The following MACROH2A1 variants were observed in gnomAD, a reference collection of about 807,000 sequenced individuals.
The protein encoded by MACROH2A1 is macroH2A.1 histone.
MACROH2A1 carries 2 observed loss-of-function variants against 31.6 expected under a neutral mutation model. That is an observed-to-expected ratio of 0.06 (90% CI 0.03 to 0.20). The LOEUF is 0.20. Among genes scored for constraint, MACROH2A1 ranks in the 10% least tolerant of loss-of-function variants. MACROH2A1 has a pLI of 1.00. For synonymous variants in MACROH2A1, 169 were observed against 189.6 expected (o/e 0.89, Z 0.89); for missense variants, 230 against 474.0 (o/e 0.49, Z 4.78).
At chr5:135,393,844 AT>A in intron 1 of MACROH2A1, among the ~76,000 whole-genome samples, 1 of 152,300 alleles carries the variant, frequency 6.6e-6, no homozygotes, top group South Asian at 2.1e-4. Context: ...CCAATTATAA[AT>A]CACAATAAAC....
At chr5:135,350,962 C>T (rs765863346) in intron 6 of MACROH2A1, 21 of 1,246,886 alleles carry the variant, frequency 1.7e-5, no homozygotes, top group Non-Finnish European at 1.9e-5. Context: ...CCGAGACCCA[C>T]GCACAGGCAC....
At chr5:135,353,086 G>A in intron 5 of MACROH2A1, 41 bp from the exon 6 acceptor site, 1 of 1,296,286 alleles carries the variant, frequency 7.7e-7, no homozygotes, top group Non-Finnish European at 1.1e-6. Context: ...CAGGAGAGCT[G>A]GGAAGTCTCA....
chr5:135,360,769 G>C (rs965492399), intron 4 of MACROH2A1, 162 bp from the exon 5 acceptor site: 3 of 702,238 alleles, frequency 4.3e-6, no homozygotes, highest in Non-Finnish European at 7.8e-6. Context: ...CTCATTTTGA[G>C]GTACAAGAGT....
chr5:135,385,152 G>T (rs1402255548), intron 2 of MACROH2A1, among the ~76,000 whole-genome samples: 1 of 152,234 alleles, frequency 6.6e-6, no homozygotes, highest in African/African-American at 2.4e-5. Context: ...CACCATGCCT[G>T]CAATTGTCAT....
At chr5:135,363,281 C>T (rs1364082156) in intron 4 of MACROH2A1, among the ~76,000 whole-genome samples, 2 of 152,142 alleles carry the variant, frequency 1.3e-5, no homozygotes, top group East Asian at 3.8e-4. Flanking sequence ...TAAAGCACTC[C>T]AGAGACAAGC....
chr5:135,340,510 T>C (rs1185297435), intron 8 of MACROH2A1, among the ~76,000 whole-genome samples: 1 of 151,670 alleles, frequency 6.6e-6, no homozygotes, highest in African/African-American at 2.4e-5. Context: ...GGAGTGGGGG[T>C]ATCCATAAAT....
intron 5 of MACROH2A1, chr5:135,358,516 G>T: frequency 1.0e-6 from 1 of 985,292 alleles, no homozygotes; most frequent in Non-Finnish European, 1.2e-6. Context: ...GGTGATATGG[G>T]AAAGAAGGCT....
chr5:135,383,288 A>G (rs1294097664), intron 2 of MACROH2A1, among the ~76,000 whole-genome samples: 1 of 152,248 alleles, frequency 6.6e-6, no homozygotes. Context: ...AAGAGTATGC[A>G]CTGTGATGTT....
At chr5:135,363,154 A>AAGGCAGGAGGATGCCT (rs1763055498) in intron 4 of MACROH2A1, among the ~76,000 whole-genome samples, 1 of 152,088 alleles carries the variant, frequency 6.6e-6, no homozygotes, top group African/African-American at 2.4e-5. Context: ...GGAGGATGCC[A>AAGGCAGGAGGATGCCT]GCCTGGGCAA....
intron 6 of MACROH2A1, among the ~76,000 whole-genome samples, chr5:135,348,763 C>A (rs1761162160): frequency 6.6e-6 from 1 of 152,226 alleles, no homozygotes; most frequent in Admixed American, 6.5e-5. Context: ...ACCTGGCAGT[C>A]TTTCTGCCTT....
At chr5:135,364,540 CTG>C (rs1763250467) in intron 4 of MACROH2A1, among the ~76,000 whole-genome samples, 2 of 152,180 alleles carry the variant, frequency 1.3e-5, no homozygotes, top group African/African-American at 2.4e-5. Context: ...TCCAGAAAGA[CTG>C]TTATAATTTT....
At chr5:135,378,128 C>G (rs1261661619) in intron 2 of MACROH2A1, among the ~76,000 whole-genome samples, 1 of 152,162 alleles carries the variant, frequency 6.6e-6, no homozygotes, top group Non-Finnish European at 1.5e-5. Flanking sequence ...AAAAGCTTCC[C>G]ACTCTCCAGC....
intron 8 of MACROH2A1, among the ~76,000 whole-genome samples, chr5:135,336,411 C>G (rs970481569): frequency 6.6e-6 from 1 of 152,212 alleles, no homozygotes; most frequent in Non-Finnish European, 1.5e-5. Context: ...GAGTGGAGTT[C>G]ACTCTTAGAG....
intron 5 of MACROH2A1, chr5:135,358,930 G>C (rs1762502511): frequency 2.0e-6 from 2 of 985,412 alleles, no homozygotes; most frequent in South Asian, 9.4e-5. Context: ...CTAGCAAGAT[G>C]TCTGTGGTGT....
In MACROH2A1 at chr5:135,367,819, G is replaced by A. The variant is rs1441746872; in HGVS notation, c.477+1587C>T. Among the ~76,000 whole-genome samples, 4 of 152,170 alleles carry A rather than the reference G, an allele frequency of 2.6e-5. No homozygotes were observed. The East Asian group carries it at 7.7e-4, about 29-fold the overall frequency. On this transcript the variant is annotated intron_variant, in intron 4 of 8. Transcript: ENST00000511689. Reference sequence around the variant, plus strand: ...AGATGATAGATTCAGTATCTTCGTTGCCTTTTTAACATTTAGAAAGGGTTG... The same window carrying A: ...AGATGATAGATTCAGTATCTTCGTTACCTTTTTAACATTTAGAAAGGGTTG...
Position 135,389,132 on chromosome 5 carries a change from A to C in MACROH2A1, c.-33-6T>G. On this transcript the variant is annotated splice_polypyrimidine_tract_variant and splice_region_variant and intron_variant, in intron 1 of 8. Transcript: ENST00000511689. The stretch of plus-strand genomic sequence containing the variant: ...GAGGCGGATCAGTGAGCACACTGTG[A>C]AGGCGAGAGGCACACCGGTCAGGGT... The C allele has an allele frequency of 6.3e-7, 1 of 1,593,362 alleles. No individual in the cohort carries two copies. Among genetic ancestry groups the C allele is most frequent in the Non-Finnish European group, 8.6e-7 (1 of 1,165,394 alleles).
intron 4 of MACROH2A1, among the ~76,000 whole-genome samples, chr5:135,363,544 T>G (rs933602968): frequency 6.6e-6 from 1 of 152,256 alleles, no homozygotes; most frequent in African/African-American, 2.4e-5. Context: ...TTCCATGGTG[T>G]ATATGTGCCA....
At position 135,369,476 on chromosome 5, in the gene MACROH2A1, G is replaced by A; in HGVS notation, c.407C>T (p.Ala136Val). ...AIITPPPAKK[A>V]KSPSQKKPVS... ...AGGCTTCTTCTGGGATGGAGACTTG[G>A]CCTTTTTGGCTGGGGGTGGTGTGAT... Residue 136 changes from alanine to valine, a missense_variant, in exon 4 of 9, where the codon GCC (alanine) becomes GTC (valine). Ala to Val is a moderately conservative substitution (Grantham distance 64, BLOSUM62 0). This residue lies in a region of MACROH2A1 where 183 missense variants were observed against 319.3 expected (regional missense o/e 0.57). Coordinates refer to ENST00000511689, the MANE Select transcript of MACROH2A1 (RefSeq NM_138610.3). This position sits in a 1 kb window ranked among gnomAD's most constrained non-coding sequence, Gnocchi z 4.3. 1 of 1,614,188 alleles carries A rather than the reference G, an allele frequency of 6.2e-7. No individual in the cohort carries two copies. Among genetic ancestry groups the A allele is most frequent in the Non-Finnish European group, 8.5e-7 (1 of 1,180,022 alleles).
intron 5 of MACROH2A1, chr5:135,360,274 T>G (rs1762665931): frequency 1.7e-6 from 1 of 574,558 alleles, no homozygotes; most frequent in South Asian, 2.1e-5. Context: ...CTCTTCTTTT[T>G]TACCACTGTC....
Sources: allele counts gnomAD v4.1 joint callset (sites outside exome capture counted in the v4.1 genomes callset), GRCh38; gene constraint gnomAD v4.1.1; regional missense constraint gnomAD v4.1.1; non-coding constraint Gnocchi (gnomAD v3.1); transcripts MANE v1.5; gene names NCBI Gene and HGNC (gene_info 2026-07-23, HGNC 2026-07-21).